Variants in ADAM32 observed in about 807,000 individuals in gnomAD.
The protein encoded by ADAM32 is ADAM metallopeptidase domain 32, also known as disintegrin and metalloproteinase domain-containing protein 32.
In ADAM32, 89 loss-of-function variants were observed where a neutral mutation model predicts 114.9. That is an observed-to-expected ratio of 0.77 (90% CI 0.65 to 0.92). ADAM32 has a LOEUF of 0.92. Ranked by LOEUF, ADAM32 falls within the 40% of genes least tolerant of loss-of-function variation. The pLI is 0.00. For missense variants in ADAM32, 870 were observed against 932.8 expected, an observed-to-expected ratio of 0.93 and a Z score of 0.88; for synonymous variants, 285 against 307.5, an observed-to-expected ratio of 0.93 and a Z score of 0.77.
chr8:39,197,953 T>C (rs959003983), intron 11 of ADAM32, among the ~76,000 whole-genome samples: 2 of 152,160 alleles, frequency 1.3e-5, no homozygotes, highest in Admixed American at 1.3e-4. Flanking sequence ...GGGGTCTATT[T>C]CTCTGTTTAC....
chr8:39,124,457 G>A (rs1352235545), intron 2 of ADAM32, among the ~76,000 whole-genome samples: 4 of 146,256 alleles, frequency 2.7e-5, no homozygotes, highest in East Asian at 2.0e-4. Flanking sequence ...TTGCTCTGTC[G>A]ACCAGGCTGG....
At chr8:39,162,623 T>A (rs1378725432) in intron 7 of ADAM32, among the ~76,000 whole-genome samples, 2 of 152,184 alleles carry the variant, frequency 1.3e-5, no homozygotes, top group African/African-American at 4.8e-5. Context: ...GTGTGATGAT[T>A]CCAAATTGCC....
chr8:39,174,791 C>T (rs910451203), intron 10 of ADAM32, among the ~76,000 whole-genome samples: 1 of 142,010 alleles, frequency 7.0e-6, no homozygotes, highest in African/African-American at 2.5e-5. Context: ...TGGCCATTTT[C>T]ATGATATTGA....
At chr8:39,129,438 T>C (rs1384702304) in intron 2 of ADAM32, among the ~76,000 whole-genome samples, 1 of 152,206 alleles carries the variant, frequency 6.6e-6, no homozygotes, top group Non-Finnish European at 1.5e-5. Flanking sequence ...TTCAAATGCT[T>C]TTTCTACATT....
At chr8:39,239,111 C>T (rs774352858) in intron 16 of ADAM32, among the ~76,000 whole-genome samples, 4 of 152,016 alleles carry the variant, frequency 2.6e-5, no homozygotes, top group Non-Finnish European at 5.9e-5. Flanking sequence ...CATCTAGGCA[C>T]ATGGTCATCA....
intron 17 of ADAM32, among the ~76,000 whole-genome samples, chr8:39,247,249 G>A (rs1193403006): frequency 6.6e-6 from 1 of 152,140 alleles, no homozygotes; most frequent in Non-Finnish European, 1.5e-5. Context: ...TATCGTAAGA[G>A]TATGCTTAGT....
intron 2 of ADAM32, among the ~76,000 whole-genome samples, chr8:39,136,032 A>G (rs1802779409): frequency 6.6e-6 from 1 of 151,914 alleles, no homozygotes; most frequent in Non-Finnish European, 1.5e-5. Context: ...TTTCATTTCT[A>G]TATGTTTTAA....
intron 17 of ADAM32, among the ~76,000 whole-genome samples, chr8:39,253,172 C>T (rs1811414923): frequency 6.6e-6 from 1 of 151,482 alleles, no homozygotes. Flanking sequence ...TGAGATATGC[C>T]ACATTAAGAA....
Position 39,233,956 on chromosome 8 carries a change from A to C in ADAM32, c.1692A>C (p.Gln564His). 2 of 1,593,248 alleles carry C rather than the reference A, an allele frequency of 1.3e-6. No homozygotes were observed. Among genetic ancestry groups the C allele is most frequent in the Non-Finnish European group, 1.7e-6 (2 of 1,169,102 alleles). The change falls in exon 16 of 25, where the codon CAA becomes CAC. Residue 564 changes from glutamine (Q) to histidine (H), a missense_variant. Gln to His is a conservative substitution (Grantham distance 24). Transcript: ENST00000379907. ...ACCCTACTCGAAAGCCTTTCCATCAAGAAAATGGTGATGTGATTTATGCTT... is the reference window on the plus strand; with the variant it reads ...ACCCTACTCGAAAGCCTTTCCATCACGAAAATGGTGATGTGATTTATGCTT... ...CTYPTRKPFH[Q>H]ENGDVIYAFV...
chr8:39,230,505 A>G (rs1809668577), intron 14 of ADAM32, among the ~76,000 whole-genome samples: 1 of 152,212 alleles, frequency 6.6e-6, no homozygotes, highest in South Asian at 2.1e-4. Flanking sequence ...TTTCTAAACT[A>G]AACTGAATTT....
intron 19 of ADAM32, among the ~76,000 whole-genome samples, chr8:39,259,334 G>A (rs1451173590): frequency 6.6e-6 from 1 of 151,956 alleles, no homozygotes; most frequent in African/African-American, 2.4e-5. Context: ...CCAGAAGCTG[G>A]TATTACAGGC....
chr8:39,199,522 A>C (rs1332386697), intron 11 of ADAM32, among the ~76,000 whole-genome samples: 1 of 152,208 alleles, frequency 6.6e-6, no homozygotes, highest in African/African-American at 2.4e-5. Flanking sequence ...TTATTGAAAT[A>C]ATCACTTTCA....
chr8:39,157,513 T>A (rs984085582), intron 6 of ADAM32: 2 of 435,982 alleles, frequency 4.6e-6, no homozygotes, highest in Non-Finnish European at 8.8e-6. Context: ...TGAGATCCCA[T>A]CAGCTGTACA....
At chr8:39,261,141 G>A (rs933173495) in intron 19 of ADAM32, among the ~76,000 whole-genome samples, 1 of 152,080 alleles carries the variant, frequency 6.6e-6, no homozygotes, top group African/African-American at 2.4e-5. Context: ...ATCCTACAGT[G>A]ATATAAAGAA....
intron 11 of ADAM32, among the ~76,000 whole-genome samples, chr8:39,209,988 A>C (rs1808104178): frequency 6.6e-6 from 1 of 152,196 alleles, no homozygotes; most frequent in African/African-American, 2.4e-5. Context: ...CTCACCTAAC[A>C]CCCACAGTCA....
chr8:39,252,568 A>T (rs1356822811), intron 17 of ADAM32, among the ~76,000 whole-genome samples: 1 of 151,576 alleles, frequency 6.6e-6, no homozygotes, highest in Non-Finnish European at 1.5e-5. Context: ...TGCAGTAGGA[A>T]GTTATGAAGA....
At chr8:39,151,647 A>C (rs1803837907) in intron 6 of ADAM32, 99 bp downstream of exon 6, 2 of 870,400 alleles carry the variant, frequency 2.3e-6, no homozygotes, top group African/African-American at 3.6e-5. Flanking sequence ...GAATTGTAGC[A>C]AATATCCTTT....
chr8:39,267,667 C>T (rs1385916131), intron 19 of ADAM32, among the ~76,000 whole-genome samples: 1 of 152,178 alleles, frequency 6.6e-6, no homozygotes, highest in Non-Finnish European at 1.5e-5. Flanking sequence ...GCCATGAGAG[C>T]ACCCCAAACA....
In ADAM32 at chr8:39,211,330, T is replaced by A; in HGVS notation, c.1233+6T>A. 6.8e-7 allele frequency: 1 copy of A among 1,474,310 alleles called. No homozygotes were observed. Among genetic ancestry groups the A allele is most frequent in the Non-Finnish European group, 9.0e-7 (1 of 1,114,674 alleles). The allele number at this position is 1,474,310 out of a possible 1,614,324, so 91.3% of individuals were successfully genotyped here. On this transcript the variant is annotated splice_donor_region_variant and intron_variant, in intron 12 of 24. Transcript: ENST00000379907. ...GTGATTGTGGTACTGAGGCTGTAAG[T>A]ATGATAACTAGGAAAATTGATTAAT... is the stretch of plus-strand genomic sequence containing the variant.
Sources: gnomAD v4.1 joint callset for allele counts (sites outside exome capture counted in the v4.1 genomes callset) on GRCh38, gnomAD v4.1.1 for gene constraint, MANE v1.5 for transcripts, NCBI Gene and HGNC (gene_info 2026-07-23, HGNC 2026-07-21) for gene names.